Variants in ZCWPW2 observed in about 807,000 individuals in gnomAD.
The protein encoded by ZCWPW2 is zinc finger CW-type PWWP domain protein 2.
ZCWPW2 carries 45 observed loss-of-function variants against 46.6 expected under a neutral mutation model. The ratio of observed to expected loss-of-function variants is 0.96; its 90% CI spans 0.76 to 1.24. ZCWPW2 has a LOEUF of 1.24. ZCWPW2 is among the 50% of genes most tolerant of loss of function. ZCWPW2 has a pLI of 0.00. For synonymous variants in ZCWPW2, 152 were observed against 137.1 expected (o/e 1.11, Z -0.76); for missense variants, 429 against 403.9 (o/e 1.06, Z -0.53).
intron 4 of ZCWPW2, among the ~76,000 whole-genome samples, chr3:28,440,145 C>A (rs1302754524): frequency 1.3e-5 from 2 of 152,178 alleles, no homozygotes; most frequent in Non-Finnish European, 2.9e-5. Flanking sequence ...CATGCATACT[C>A]TTCCTTACCT....
chr3:28,470,619 GA>G (rs1457290788), intron 4 of ZCWPW2, among the ~76,000 whole-genome samples: 1 of 151,598 alleles, frequency 6.6e-6, no homozygotes, highest in African/African-American at 2.4e-5. Context: ...TTATAGCCAT[GA>G]GTGCCTAAAT....
chr3:28,370,149 G>C (rs968365586), intron 1 of ZCWPW2, among the ~76,000 whole-genome samples: 2 of 152,180 alleles, frequency 1.3e-5, no homozygotes, highest in Non-Finnish European at 2.9e-5. Flanking sequence ...TGCTTGGTGC[G>C]CTGCACCCAC....
At chr3:28,411,420 C>G (rs1696392490) in intron 2 of ZCWPW2, among the ~76,000 whole-genome samples, 1 of 151,728 alleles carries the variant, frequency 6.6e-6, no homozygotes, top group South Asian at 2.1e-4. Flanking sequence ...TCTACAAAAA[C>G]CGTACTCCCA....
At chr3:28,370,554 T>C (rs766994591) in intron 1 of ZCWPW2, among the ~76,000 whole-genome samples, 4 of 152,072 alleles carry the variant, frequency 2.6e-5, no homozygotes, top group Admixed American at 6.5e-5. Flanking sequence ...ATGGCTACTA[T>C]TGGGGAGAAG....
chr3:28,368,036 T>G (rs1049790358), intron 1 of ZCWPW2, among the ~76,000 whole-genome samples: 16 of 152,318 alleles, frequency 1.1e-4, no homozygotes, highest in African/African-American at 3.8e-4. Flanking sequence ...AGCCTATATG[T>G]ATCTCTGCAC....
intron 6 of ZCWPW2, 134 bp downstream of exon 6, chr3:28,492,307 A>T (rs922302189): frequency 1.4e-6 from 1 of 739,454 alleles, no homozygotes; most frequent in African/African-American, 1.8e-5. Flanking sequence ...TTACTTTAGT[A>T]TATGTTTCCT....
chr3:28,386,785 G>T (rs1042725819), intron 1 of ZCWPW2, among the ~76,000 whole-genome samples: 2 of 152,108 alleles, frequency 1.3e-5, no homozygotes, highest in African/African-American at 4.8e-5. Context: ...GTTTTCTCTT[G>T]TTGGATTTGT....
chr3:28,413,415 G>C lies in ZCWPW2; in HGVS notation c.332+15G>C. On this transcript the variant is annotated intron_variant, in intron 3 of 9. Transcript: ENST00000383768. ...AATTGGCCAAGGTAAGGTTTGTGTA[G>C]TTTTATGACTTTTGAAATGTAGTCT... 3 of 1,571,468 alleles carry C rather than the reference G, an allele frequency of 1.9e-6. No homozygotes were observed. Among genetic ancestry groups the C allele is most frequent in the South Asian group, 1.2e-5 (1 of 85,716 alleles).
chr3:28,452,315 C>A (rs948355712), intron 4 of ZCWPW2, among the ~76,000 whole-genome samples: 15 of 152,080 alleles, frequency 9.9e-5, no homozygotes, highest in African/African-American at 3.4e-4. Context: ...GACAGAGCCT[C>A]ACTCTGTCAC....
chr3:28,514,256 C>T, intron 7 of ZCWPW2, 134 bp downstream of exon 7: 1 of 528,588 alleles, frequency 1.9e-6, no homozygotes, highest in Non-Finnish European at 2.9e-6. Flanking sequence ...AGGGCAATTG[C>T]ATGGATCTGC....
chr3:28,367,399 T>G (rs191719893), intron 1 of ZCWPW2, among the ~76,000 whole-genome samples: 149 of 152,376 alleles, frequency 9.8e-4, no homozygotes, highest in African/African-American at 3.2e-3. Flanking sequence ...CATTTCGTTA[T>G]GTACCCAGTA....
At chr3:28,352,345 A>G (rs1188841888) in intron 1 of ZCWPW2, among the ~76,000 whole-genome samples, 1 of 152,184 alleles carries the variant, frequency 6.6e-6, no homozygotes, top group African/African-American at 2.4e-5. Context: ...ATAGTTTAAG[A>G]GTATTAATTC....
At chr3:28,394,406 A>G (rs1485661120) in intron 2 of ZCWPW2, among the ~76,000 whole-genome samples, 16 of 152,138 alleles carry the variant, frequency 1.1e-4, no homozygotes, top group Admixed American at 1.0e-3. Context: ...TTTCACAGAA[A>G]TAGACAGTAA....
intron 1 of ZCWPW2, among the ~76,000 whole-genome samples, chr3:28,352,717 A>T (rs1407704577): frequency 6.6e-6 from 1 of 152,214 alleles, no homozygotes; most frequent in African/African-American, 2.4e-5. Context: ...AGAAATCGTT[A>T]CACTTGCAAA....
At chr3:28,470,384 C>G (rs1282064821) in intron 4 of ZCWPW2, among the ~76,000 whole-genome samples, 1 of 151,404 alleles carries the variant, frequency 6.6e-6, no homozygotes, top group Non-Finnish European at 1.5e-5. Context: ...GTAATCCCAG[C>G]TATTCGGGAG....
intron 1 of ZCWPW2, among the ~76,000 whole-genome samples, chr3:28,381,000 G>A (rs1266938918): frequency 5.1e-3 from 23 of 4,542 alleles, no homozygotes; most frequent in Admixed American, 0.011. Flanking sequence ...TATATATTTG[G>A]TATATATATA....
intron 8 of ZCWPW2, among the ~76,000 whole-genome samples, chr3:28,518,756 C>T (rs1277645709): frequency 1.3e-5 from 2 of 152,176 alleles, no homozygotes; most frequent in African/African-American, 4.8e-5. Context: ...TCAAATCTAT[C>T]TTCTCAACAG....
chr3:28,498,325 ACT>A (rs1559530216), intron 6 of ZCWPW2, among the ~76,000 whole-genome samples: 1 of 150,806 alleles, frequency 6.6e-6, no homozygotes, highest in East Asian at 1.9e-4. Flanking sequence ...AATTGAGACA[ACT>A]CTGTCTGCAA....
At chr3:28,431,077 A>G (rs141490217) in intron 3 of ZCWPW2, among the ~76,000 whole-genome samples, 65 of 152,328 alleles carry the variant, frequency 4.3e-4, no homozygotes, top group Non-Finnish European at 1.5e-5. Context: ...TTAATAACCT[A>G]CAGTCCTCAA....
Sources: allele counts gnomAD v4.1 joint callset (sites outside exome capture counted in the v4.1 genomes callset), GRCh38; gene constraint gnomAD v4.1.1; transcripts MANE v1.5; gene names NCBI Gene and HGNC (gene_info 2026-07-23, HGNC 2026-07-21).